ROR1: variants seen among roughly 807,000 people sequenced by gnomAD.
The protein encoded by ROR1 is ROR family WNT receptor 1, also known as inactive tyrosine-protein kinase transmembrane receptor ROR1.
In ROR1, 19 loss-of-function variants were observed where a neutral mutation model predicts 78.8. That is an observed-to-expected ratio of 0.24 (90% confidence interval 0.17 to 0.35). The LOEUF (loss-of-function observed/expected upper bound fraction) is 0.35. Among genes scored for constraint, ROR1 ranks in the 10% least tolerant of loss-of-function variants. ROR1 has a pLI of 1.00. For synonymous variants in ROR1, 386 were observed against 433.6 expected, an observed-to-expected ratio of 0.89 and a Z score of 1.36; for missense variants, 917 against 1,177.8, an observed-to-expected ratio of 0.78 and a Z score of 3.24.
At chr1:64,017,930 C>T (rs563758397) in intron 2 of ROR1, among the ~76,000 whole-genome samples, 7 of 152,304 alleles carry the variant, frequency 4.6e-5, no homozygotes, top group Admixed American at 3.9e-4. Flanking sequence ...CTGGCTAAGA[C>T]GAGGCACATT....
At chr1:63,912,439 G>A (rs1242568489) in intron 1 of ROR1, among the ~76,000 whole-genome samples, 2 of 152,174 alleles carry the variant, frequency 1.3e-5, no homozygotes, top group African/African-American at 4.8e-5. Context: ...CGCTCTGAGA[G>A]CATAGGGGTC....
intron 1 of ROR1, among the ~76,000 whole-genome samples, chr1:63,957,196 C>T (rs1169643963): frequency 6.6e-6 from 1 of 152,194 alleles, no homozygotes; most frequent in Admixed American, 6.5e-5. Context: ...TTCCTGAGAA[C>T]AGTGGTAGCC....
At chr1:64,022,853 T>A (rs1430849004) in intron 2 of ROR1, among the ~76,000 whole-genome samples, 1 of 152,308 alleles carries the variant, frequency 6.6e-6, no homozygotes, top group African/African-American at 2.4e-5. Flanking sequence ...TGGTAAAGTG[T>A]CTATTTAGAG....
intron 4 of ROR1, among the ~76,000 whole-genome samples, chr1:64,089,356 C>T (rs1021628119): frequency 2.0e-5 from 3 of 151,902 alleles, no homozygotes; most frequent in Non-Finnish European, 2.9e-5. Flanking sequence ...ACTACAGGCA[C>T]ATGCCACAAT....
intron 1 of ROR1, among the ~76,000 whole-genome samples, chr1:63,954,665 C>G (rs1187391080): frequency 6.6e-6 from 1 of 152,054 alleles, no homozygotes; most frequent in Non-Finnish European, 1.5e-5. Context: ...TTTTTCTTGT[C>G]ATTACTTCCT....
intron 2 of ROR1, among the ~76,000 whole-genome samples, chr1:64,020,769 G>A (rs1260103113): frequency 6.6e-6 from 1 of 152,088 alleles, no homozygotes; most frequent in Non-Finnish European, 1.5e-5. Context: ...AAGAAGAAAG[G>A]CAGTAAAGAA....
intron 1 of ROR1, among the ~76,000 whole-genome samples, chr1:63,885,084 A>G (rs778127953): frequency 7.4e-4 from 112 of 152,224 alleles, no homozygotes; most frequent in Non-Finnish European, 1.3e-3. Flanking sequence ...GGGTTAATAC[A>G]TGGAAAACAC....
chr1:63,804,302 G>T (rs919364659), intron 1 of ROR1, among the ~76,000 whole-genome samples: 3 of 152,120 alleles, frequency 2.0e-5, no homozygotes, highest in African/African-American at 7.2e-5. Flanking sequence ...TGTCAAACTG[G>T]TCCAATCTGA....
chr1:64,152,570 AG>A (rs1215224381), intron 7 of ROR1, among the ~76,000 whole-genome samples: 1 of 152,182 alleles, frequency 6.6e-6, no homozygotes, highest in East Asian at 1.9e-4. Context: ...GTTTGTTTTT[AG>A]GGTTTGGTTA....
At chr1:63,856,464 G>C (rs1408905412) in intron 1 of ROR1, among the ~76,000 whole-genome samples, 1 of 152,150 alleles carries the variant, frequency 6.6e-6, no homozygotes, top group African/African-American at 2.4e-5. Context: ...TGTATGCACT[G>C]ATCAGCACTC....
intron 8 of ROR1, among the ~76,000 whole-genome samples, chr1:64,172,966 G>A (rs140308652): frequency 2.1e-3 from 324 of 152,230 alleles, no homozygotes; most frequent in African/African-American, 6.9e-3. Flanking sequence ...TGCCATCACC[G>A]TACAGTCTAC....
At chr1:64,176,783 A>C (rs1650392919) in intron 8 of ROR1, among the ~76,000 whole-genome samples, 1 of 152,260 alleles carries the variant, frequency 6.6e-6, no homozygotes, top group African/African-American at 2.4e-5. Flanking sequence ...TGAGTACTTC[A>C]GAAGGACAAT....
intron 4 of ROR1, among the ~76,000 whole-genome samples, chr1:64,097,364 C>CA (rs1312881902): frequency 1.3e-5 from 2 of 152,028 alleles, no homozygotes; most frequent in African/African-American, 2.4e-5. Flanking sequence ...TGGACCCACC[C>CA]AAAAAATTCA....
At chr1:64,040,339 T>C (rs1254300995) in intron 2 of ROR1, among the ~76,000 whole-genome samples, 1 of 152,180 alleles carries the variant, frequency 6.6e-6, no homozygotes, top group Non-Finnish European at 1.5e-5. Flanking sequence ...AATCAAGTCA[T>C]TTCCCTGATG....
At chr1:63,948,750 A>G (rs1489520577) in intron 1 of ROR1, among the ~76,000 whole-genome samples, 1 of 152,216 alleles carries the variant, frequency 6.6e-6, no homozygotes, top group East Asian at 1.9e-4. Context: ...TCCTTATAAA[A>G]GAAGGCCCAG....
chr1:64,001,667 TCTGGA>T (rs1326800618), intron 1 of ROR1, among the ~76,000 whole-genome samples: 3 of 152,166 alleles, frequency 2.0e-5, no homozygotes, highest in Non-Finnish European at 4.4e-5. Context: ...TAGCAGCTTC[TCTGGA>T]CTGTTAGGAG....
chr1:64,120,196 A>G (rs1455744676), intron 4 of ROR1, among the ~76,000 whole-genome samples: 1 of 151,610 alleles, frequency 6.6e-6, no homozygotes, highest in African/African-American at 2.4e-5. Context: ...TCCAGAGAGC[A>G]GGATTCTTTC....
At chr1:63,940,918 A>G (rs537371088) in intron 1 of ROR1, among the ~76,000 whole-genome samples, 1 of 152,326 alleles carries the variant, frequency 6.6e-6, no homozygotes, top group East Asian at 1.9e-4. Context: ...TGGGAAGGGC[A>G]CAGCATCATT....
At chr1:64,138,675 G>A (rs1649205090) in intron 5 of ROR1, among the ~76,000 whole-genome samples, 1 of 151,742 alleles carries the variant, frequency 6.6e-6, no homozygotes, top group Admixed American at 6.6e-5. Context: ...CCTCCTGGAG[G>A]ACTTTTTAAC....
Sources: gnomAD v4.1 joint callset for allele counts (sites outside exome capture counted in the v4.1 genomes callset) on GRCh38, gnomAD v4.1.1 for gene constraint, MANE v1.5 for transcripts, NCBI Gene and HGNC (gene_info 2026-07-23, HGNC 2026-07-21) for gene names.